Variants in MEI4 observed in about 807,000 individuals in gnomAD.
The protein encoded by MEI4 is meiotic double-stranded break formation protein 4.
In MEI4, 27 loss-of-function variants were observed where a neutral mutation model predicts 31.4. The ratio of observed to expected loss-of-function variants is 0.86; its 90% CI spans 0.63 to 1.19. MEI4 has a LOEUF of 1.19. MEI4 is among the 50% of genes most tolerant of loss of function. The pLI, the probability that MEI4 is intolerant of heterozygous loss-of-function variation, is 0.00. For missense variants in MEI4, 329 were observed against 398.9 expected (o/e 0.82, Z 1.49); for synonymous variants, 122 against 145.4 (o/e 0.84, Z 1.16).
chr6:77,735,084 T>C (rs992043609), intron 2 of MEI4, among the ~76,000 whole-genome samples: 1 of 151,976 alleles, frequency 6.6e-6, no homozygotes, highest in African/African-American at 2.4e-5. Context: ...CCTTCATTTC[T>C]ACTTCGGTGA....
At chr6:77,665,925 A>G (rs962191497) in intron 1 of MEI4, among the ~76,000 whole-genome samples, 1 of 152,140 alleles carries the variant, frequency 6.6e-6, no homozygotes, top group Non-Finnish European at 1.5e-5. Flanking sequence ...GATCTTTCTC[A>G]TGGAGCAAAG....
chr6:77,719,472 T>TACG (rs1554154081), intron 2 of MEI4, among the ~76,000 whole-genome samples: 1 of 38,696 alleles, frequency 2.6e-5, no homozygotes, highest in East Asian at 2.4e-3. Context: ...CCTAGGCAAA[T>TACG]AGGATAACGA....
At chr6:77,861,212 G>T (rs997460536) in intron 4 of MEI4, among the ~76,000 whole-genome samples, 1 of 152,296 alleles carries the variant, frequency 6.6e-6, no homozygotes, top group Non-Finnish European at 1.5e-5. Flanking sequence ...GCTTAGATTG[G>T]AAGGGAATTA....
intron 1 of MEI4, among the ~76,000 whole-genome samples, chr6:77,660,975 G>A (rs1205431045): frequency 2.6e-5 from 4 of 152,150 alleles, no homozygotes; most frequent in Non-Finnish European, 5.9e-5. Context: ...TTAGCAGCCT[G>A]GCGAATTTCC....
At chr6:77,773,815 G>A (rs1025786816) in intron 3 of MEI4, among the ~76,000 whole-genome samples, 1 of 151,868 alleles carries the variant, frequency 6.6e-6, no homozygotes, top group African/African-American at 2.4e-5. Context: ...AAATAACTCT[G>A]TAAGAAAAAC....
At chr6:77,922,978 T>A (rs190340777) in intron 4 of MEI4, 111 bp from the exon 5 acceptor site, 31 of 553,716 alleles carry the variant, frequency 5.6e-5, no homozygotes, top group African/African-American at 5.3e-4. Context: ...ACAGAAGGTG[T>A]TAAATATTTC....
chr6:77,690,887 A>G lies in MEI4; in HGVS notation c.216A>G (p.Ser72=). The change falls in exon 2 of 5, where the codon TCA becomes TCG. Residue 72 remains serine (S), a synonymous_variant. Transcript: ENST00000684080. ...AACTTCTTGTGAGCAGGCTTTGTTC[A>G]GGATCCTTTAAGAGTGGTGAGTATA... ...RQKLLVSRLC[S]GSFKSGYVSS... 1 of 1,230,924 alleles carries G rather than the reference A, an allele frequency of 8.1e-7. No individual in the cohort carries two copies. Among genetic ancestry groups the G allele is most frequent in the Non-Finnish European group, 1.0e-6 (1 of 986,970 alleles). 76.3% of individuals were successfully genotyped at this position (1,230,924 alleles called of 1,614,324 possible).
At chr6:77,735,041 T>A (rs1010244406) in intron 2 of MEI4, among the ~76,000 whole-genome samples, 3 of 152,088 alleles carry the variant, frequency 2.0e-5, no homozygotes, top group Non-Finnish European at 4.4e-5. Context: ...TGGGTAACCG[T>A]ACCTTTCTCT....
At chr6:77,704,943 T>C (rs1370024806) in intron 2 of MEI4, among the ~76,000 whole-genome samples, 1 of 152,058 alleles carries the variant, frequency 6.6e-6, no homozygotes, top group African/African-American at 2.4e-5. Flanking sequence ...ATTAAGAGCC[T>C]GATTGAGCTG....
chr6:77,851,996 G>T (rs946665044), intron 4 of MEI4, among the ~76,000 whole-genome samples: 15 of 152,076 alleles, frequency 9.9e-5, no homozygotes, highest in African/African-American at 3.4e-4. Context: ...CCAAATTAGG[G>T]ATTCAAATTT....
intron 3 of MEI4, among the ~76,000 whole-genome samples, chr6:77,763,416 G>A (rs79116714): frequency 0.014 from 2,187 of 152,180 alleles, 55 homozygotes; most frequent in African/African-American, 0.05. Context: ...GTTGCCCTTC[G>A]TGTTTATTTA....
In MEI4 at chr6:77,701,899, G is replaced by GA. The variant is rs571922608; in HGVS notation, c.232+10999dup. On this transcript the variant is annotated intron_variant, in intron 2 of 4. Coordinates refer to ENST00000684080, the MANE Select transcript of MEI4 (RefSeq NM_001322247.2). The stretch of plus-strand genomic sequence containing the variant: ...CTGAGTTTTAAGTTTTGGGTCCCGA[G>GA]AAACAACCAACCCAGCCAGATGACT... Among the ~76,000 whole-genome samples the GA allele has an allele frequency of 6.9e-3, 1,049 of 152,200 alleles. 13 individuals carry two copies. Among genetic ancestry groups the GA allele is most frequent in the African/African-American group, 0.024 (991 of 41,524 alleles).
chr6:77,753,386 G>T (rs2127678889), intron 2 of MEI4, among the ~76,000 whole-genome samples: 1 of 151,524 alleles, frequency 6.6e-6, no homozygotes, highest in East Asian at 2.0e-4. Flanking sequence ...AATCTACAAA[G>T]AACTTAAACA....
chr6:77,774,306 C>A (rs189577182), intron 3 of MEI4, among the ~76,000 whole-genome samples: 1 of 151,940 alleles, frequency 6.6e-6, no homozygotes, highest in Non-Finnish European at 1.5e-5. Context: ...GTGGTACATA[C>A]ACAGAATGAA....
At chr6:77,889,204 G>C (rs1279716132) in intron 4 of MEI4, among the ~76,000 whole-genome samples, 2 of 152,142 alleles carry the variant, frequency 1.3e-5, no homozygotes, top group African/African-American at 4.8e-5. Context: ...CTTTGGAACT[G>C]GGTAATAGGC....
intron 3 of MEI4, among the ~76,000 whole-genome samples, chr6:77,770,517 C>G (rs1347376101): frequency 6.6e-6 from 1 of 151,738 alleles, no homozygotes; most frequent in East Asian, 1.9e-4. Context: ...AAAAATTACA[C>G]AGAACCAAAA....
chr6:77,871,200 A>G (rs574201580), intron 4 of MEI4, among the ~76,000 whole-genome samples: 11 of 152,274 alleles, frequency 7.2e-5, no homozygotes, highest in African/African-American at 2.6e-4. Context: ...TCAAATAAAG[A>G]GAAACCAGGA....
rs183002391 is a variant in MEI4, at chr6:77,909,507, G to A, written c.901-13582G>A. Among the ~76,000 whole-genome samples the A allele has an allele frequency of 5.2e-3, 785 of 152,212 alleles. 8 individuals carry two copies. The highest frequency in any genetic ancestry group is 0.048 in the Middle Eastern group (14 of 294). ...CATACACCCTCCCAAGACTAAACCA[G>A]GAAGAAGTTGAATCTCTGAATAGAC... On this transcript the variant is annotated intron_variant, in intron 4 of 4. Coordinates refer to ENST00000684080, the MANE Select transcript of MEI4 (RefSeq NM_001322247.2).
chr6:77,798,429 A>G (rs566626382), intron 3 of MEI4, among the ~76,000 whole-genome samples: 1 of 151,368 alleles, frequency 6.6e-6, no homozygotes, highest in South Asian at 2.1e-4. Context: ...TCAAATTGGT[A>G]AAAAAATAGG....
Sources: gnomAD v4.1 joint callset for allele counts (sites outside exome capture counted in the v4.1 genomes callset) on GRCh38, gnomAD v4.1.1 for gene constraint, MANE v1.5 for transcripts, NCBI Gene and HGNC (gene_info 2026-07-23, HGNC 2026-07-21) for gene names.